EPHA7: variants seen among roughly 807,000 people sequenced by gnomAD.
EPHA7 encodes the protein EPH receptor A7.
A neutral mutation model predicts 112.6 loss-of-function variants in EPHA7; 25 were observed. The observed-to-expected ratio is 0.22, with a 90% CI of 0.16 to 0.31. The LOEUF is 0.31. Ranked by LOEUF, EPHA7 falls within the 10% of genes least tolerant of loss-of-function variation. The pLI, the probability that EPHA7 is intolerant of heterozygous loss-of-function variation, is 1.00. For missense variants in EPHA7, 962 were observed against 1,212.6 expected, an observed-to-expected ratio of 0.79 and a Z score of 3.07; for synonymous variants, 437 against 406.5, an observed-to-expected ratio of 1.07 and a Z score of -0.90.
intron 5 of EPHA7, among the ~76,000 whole-genome samples, chr6:93,313,156 T>C (rs914955049): frequency 3.9e-5 from 6 of 152,148 alleles, no homozygotes; most frequent in Non-Finnish European, 7.4e-5. Context: ...AATGCAGGAC[T>C]GCTACAGCCT....
chr6:93,254,676 T>C lies in EPHA7; in HGVS notation c.2503A>G (p.Arg835Gly). Residue 835 changes from arginine to glycine, a missense_variant, in exon 14 of 17, where the codon AGA becomes GGA. This residue lies in a region of EPHA7 where 746 missense variants were observed against 889.2 expected (regional missense o/e 0.84). Coordinates refer to ENST00000369303, the MANE Select transcript of EPHA7 (RefSeq NM_004440.4). ...TGATTTGACATGTCCCAATAAGGTC[T>C]TTCTCCATAAGACATAACTTCCCAC... Reference protein sequence around the residue: ...VMWEVMSYGERPYWDMSNQDV... With the variant: ...VMWEVMSYGEGPYWDMSNQDV... 6.2e-7 allele frequency: 1 copy of C among 1,612,952 alleles called. No individual in the cohort carries two copies. Among genetic ancestry groups the C allele is most frequent in the Non-Finnish European group, 8.5e-7 (1 of 1,179,178 alleles).
intron 3 of EPHA7, among the ~76,000 whole-genome samples, chr6:93,385,901 C>T (rs982562748): frequency 6.6e-6 from 1 of 152,156 alleles, no homozygotes; most frequent in East Asian, 1.9e-4. Flanking sequence ...CGTCCTTCTT[C>T]ACATGGCAGC....
intron 5 of EPHA7, among the ~76,000 whole-genome samples, chr6:93,303,101 A>G (rs760357775): frequency 5.3e-5 from 8 of 152,122 alleles, no homozygotes; most frequent in East Asian, 1.9e-4. Flanking sequence ...GAGCACATGA[A>G]AAACCTAACT....
At chr6:93,257,642 G>A in intron 11 of EPHA7, 119 bp from the exon 12 acceptor site, 1 of 650,018 alleles carries the variant, frequency 1.5e-6, no homozygotes. Flanking sequence ...AGAAGTATGA[G>A]CATTTCTTTT....
Position 93,410,779 on chromosome 6 carries a change from G to A in EPHA7, c.554C>T (p.Ala185Val). The stretch of plus-strand genomic sequence containing the variant: ...TATGCAAGCCCCTACATCCTGAAAG[G>A]CAAGATAGAATCCCTTTTTGGACAA... ...GPLSKKGFYL[A>V]FQDVGACIAL... The change falls in exon 3 of 17, where the codon GCC (alanine) becomes GTC (valine). Residue 185 changes from alanine (A) to valine (V), a missense_variant. Coordinates refer to ENST00000369303, the MANE Select transcript of EPHA7 (RefSeq NM_004440.4). This position sits in a 1 kb window ranked among gnomAD's most constrained non-coding sequence, Gnocchi z 4.0. 1 of 1,614,018 alleles carries A rather than the reference G, an allele frequency of 6.2e-7. No individual in the cohort carries two copies. The highest frequency in any genetic ancestry group is 1.1e-5 in the South Asian group (1 of 91,084).
At chr6:93,402,259 G>A (rs573038058) in intron 3 of EPHA7, among the ~76,000 whole-genome samples, 1 of 152,032 alleles carries the variant, frequency 6.6e-6, no homozygotes, top group Non-Finnish European at 1.5e-5. Flanking sequence ...AATGCATTGT[G>A]AGAACAAAGA....
chr6:93,307,069 C>T (rs1773297257), intron 5 of EPHA7, among the ~76,000 whole-genome samples: 1 of 151,792 alleles, frequency 6.6e-6, no homozygotes, highest in Non-Finnish European at 1.5e-5. Flanking sequence ...AGGACTTAAA[C>T]ATAACTGCTA....
At chr6:93,336,321 A>G (rs1745926592) in intron 5 of EPHA7, among the ~76,000 whole-genome samples, 2 of 152,156 alleles carry the variant, frequency 1.3e-5, no homozygotes, top group African/African-American at 4.8e-5. Context: ...ATATGTTACA[A>G]ATTGCTTGGA....
chr6:93,349,416 A>C (rs1775575250), intron 5 of EPHA7, among the ~76,000 whole-genome samples: 2 of 151,906 alleles, frequency 1.3e-5, no homozygotes. Context: ...GGTTTATAAA[A>C]TGTCTAAATG....
intron 5 of EPHA7, among the ~76,000 whole-genome samples, chr6:93,306,958 A>G (rs1773290005): frequency 6.6e-6 from 1 of 151,976 alleles, no homozygotes; most frequent in Admixed American, 6.6e-5. Context: ...TTTAACAGAA[A>G]ATATCATAGG....
At chr6:93,355,289 G>T (rs571864723) in intron 5 of EPHA7, among the ~76,000 whole-genome samples, 1 of 152,042 alleles carries the variant, frequency 6.6e-6, no homozygotes, top group Non-Finnish European at 1.5e-5. Context: ...TTTGAAATAA[G>T]CATCAGAATG....
intron 5 of EPHA7, among the ~76,000 whole-genome samples, chr6:93,349,250 T>A (rs2127934565): frequency 6.6e-6 from 1 of 151,976 alleles, no homozygotes; most frequent in African/African-American, 2.4e-5. Flanking sequence ...TATATATATA[T>A]GTTTTCATAT....
intron 5 of EPHA7, among the ~76,000 whole-genome samples, chr6:93,284,754 C>T (rs575931304): frequency 2.6e-4 from 39 of 151,782 alleles, no homozygotes; most frequent in Middle Eastern, 3.4e-3. Context: ...GAACAGAAAC[C>T]CAAACACCTC....
chr6:93,285,632 A>T (rs1582449546), intron 5 of EPHA7, among the ~76,000 whole-genome samples: 1 of 152,234 alleles, frequency 6.6e-6, no homozygotes, highest in Non-Finnish European at 1.5e-5. Flanking sequence ...AGTTGCTTCA[A>T]TTACAGGAAT....
chr6:93,252,740 T>A (rs1341586238), intron 14 of EPHA7, among the ~76,000 whole-genome samples: 2 of 151,966 alleles, frequency 1.3e-5, no homozygotes, highest in East Asian at 3.9e-4. Flanking sequence ...CTGACCTATC[T>A]AGGTAATCTC....
chr6:93,314,706 A>G (rs1773708706), intron 5 of EPHA7, among the ~76,000 whole-genome samples: 1 of 152,142 alleles, frequency 6.6e-6, no homozygotes, highest in African/African-American at 2.4e-5. Context: ...TTAACTGATA[A>G]TTGTCTGGAA....
intron 5 of EPHA7, among the ~76,000 whole-genome samples, chr6:93,337,721 C>T (rs1403496434): frequency 6.6e-6 from 1 of 152,128 alleles, no homozygotes. Flanking sequence ...AAACCTGGAG[C>T]TCTCAAGTTA....
At position 93,410,028 on chromosome 6, in the gene EPHA7, A is replaced by G. The variant is rs1336287092; in HGVS notation, c.832+473T>C. On this transcript the variant is annotated intron_variant, in intron 3 of 16. Transcript: ENST00000369303. This position sits in a 1 kb window ranked among gnomAD's most constrained non-coding sequence, Gnocchi z 4.0. ...ATATAAGATAATTCTAAAAGTTTGTAAATATATTCGTTTATGCCCTGCCTG... is the reference window on the plus strand; with the variant it reads ...ATATAAGATAATTCTAAAAGTTTGTGAATATATTCGTTTATGCCCTGCCTG... The G allele has an allele frequency of 6.5e-6, 1 of 152,886 alleles. No individual in the cohort carries two copies. Among genetic ancestry groups the G allele is most frequent in the Non-Finnish European group, 1.5e-5 (1 of 68,602 alleles). 9.5% of individuals were successfully genotyped at this position (152,886 alleles called of 1,614,324 possible). A position where few individuals can be genotyped will look rare whatever the true frequency, so the allele number is the denominator to read the frequency against.
At position 93,369,168 on chromosome 6, in the gene EPHA7, G is replaced by C. The variant is rs112606106; in HGVS notation, c.833-10757C>G. ...GCAAAGAAAAAGAAAGAAAAGAAAA[G>C]AAAAATAAAGGCCACACACACACAC... On this transcript the variant is annotated intron_variant, in intron 3 of 16. Transcript: ENST00000369303. 8.9e-3 allele frequency among the ~76,000 whole-genome samples: 1,075 copies of C among 120,932 alleles called. 10 individuals are homozygous for C. The highest frequency in any genetic ancestry group is 0.032 in the African/African-American group (1,013 of 31,704). 79.3% of individuals were successfully genotyped at this position (120,932 alleles called of 152,430 possible). A position where few individuals can be genotyped will look rare whatever the true frequency, so the allele number is the denominator to read the frequency against.
Sources: gnomAD v4.1 joint callset for allele counts (sites outside exome capture counted in the v4.1 genomes callset) on GRCh38, gnomAD v4.1.1 for gene constraint, gnomAD v4.1.1 regional missense constraint, Gnocchi (gnomAD v3.1) non-coding constraint, MANE v1.5 for transcripts, NCBI Gene and HGNC (gene_info 2026-07-23, HGNC 2026-07-21) for gene names.